Variants in TRPM2 observed in about 807,000 individuals in gnomAD.
The protein encoded by TRPM2 is transient receptor potential cation channel subfamily M member 2, also known as estrogen-responsive element-associated gene 1 protein.
Under a neutral mutation model 174.0 loss-of-function variants are expected in TRPM2, and 161 were observed. The ratio of observed to expected loss-of-function variants is 0.93; its 90% CI spans 0.81 to 1.05. The LOEUF (loss-of-function observed/expected upper bound fraction) is 1.05, where lower values mean the gene tolerates loss of function less well. TRPM2 is among the 50% of genes least tolerant of loss of function. TRPM2 has a pLI of 0.00. For missense variants in TRPM2, 2,057 were observed against 2,038.0 expected, an observed-to-expected ratio of 1.01 and a Z score of -0.18; for synonymous variants, 954 against 861.3, an observed-to-expected ratio of 1.11 and a Z score of -1.88.
chr21:44,417,869 G>A (rs1013517139), intron 20 of TRPM2, 58 bp from the exon 21 acceptor site: 1 of 1,551,252 alleles, frequency 6.4e-7, no homozygotes, highest in South Asian at 1.2e-5. Context: ...GGCGGTGAGA[G>A]GGGTCTGTTC....
chr21:44,379,078 G>A lies in TRPM2; in HGVS notation c.1096G>A (p.Val366Met). 6.2e-7 allele frequency: 1 copy of A among 1,612,974 alleles called. No individual in the cohort carries two copies. Among genetic ancestry groups the A allele is most frequent in the Non-Finnish European group, 8.5e-7 (1 of 1,180,034 alleles). Residue 366 changes from valine (V) to methionine (M), a missense_variant, in exon 8 of 32, where the codon GTG becomes ATG. By Grantham distance (21) the Val-to-Met change is conservative (BLOSUM62 1). Coordinates refer to ENST00000397928, the MANE Select transcript of TRPM2 (RefSeq NM_003307.4). ...CCGCGTGGCCGACGTCATTGCCCAG[G>A]TGGCCAACCTGCCTGTCTCGGACAT... The part of the protein sequence containing the change: ...SGRVADVIAQ[V>M]ANLPVSDITI...
chr21:44,423,732 G>A lies in TRPM2; in HGVS notation c.3549G>A (p.Gln1183=), dbSNP rs1242268139. The change falls in exon 23 of 32, where the codon CAG becomes CAA. Residue 1183 remains glutamine, a splice_region_variant and synonymous_variant. Coordinates refer to ENST00000397928, the MANE Select transcript of TRPM2 (RefSeq NM_003307.4). ...AGAGGTTGGCCTCCCTGGAGGAGCA[G>A]GTGGGTCCGAGGTCGGGGCCTCCGT... is the stretch of plus-strand genomic sequence containing the variant. ...MEQRLASLEE[Q]VAQTAQALHW... is the part of the protein sequence containing the mutation. The A allele has an allele frequency of 6.2e-7, 1 of 1,604,638 alleles. No individual in the cohort carries two copies. Among genetic ancestry groups the A allele is most frequent in the Middle Eastern group, 1.7e-4 (1 of 5,934 alleles).
rs1381741000 is a variant in TRPM2 at position 44,440,873 on chromosome 21, C to G, written c.4354C>G (p.Gln1452Glu). 1.2e-6 allele frequency: 2 copies of G among 1,613,936 alleles called. No individual in the cohort carries two copies. Among genetic ancestry groups the G allele is most frequent in the Admixed American group, 1.7e-5 (1 of 60,024 alleles). ...GGCCGTCAGCGTCCACTTCCAGGACCAGAATGACGTGGAGCTGAACAGGCT... is the reference window on the plus strand; with the variant it reads ...GGCCGTCAGCGTCCACTTCCAGGACGAGAATGACGTGGAGCTGAACAGGCT... ...TVAVSVHFQD[Q>E]NDVELNRLNS... The change falls in exon 31 of 32, where the codon CAG becomes GAG. Residue 1452 changes from glutamine (Q) to glutamate (E), a missense_variant. Physicochemically the swap from Gln to Glu is conservative, Grantham distance 29. Transcript: ENST00000397928.
In TRPM2 at chr21:44,442,060, G is replaced by A. The variant is rs41276638; in HGVS notation, c.*243G>A. The A allele has an allele frequency of 0.018, 8,970 of 487,420 alleles. 109 individuals carry two copies. The highest frequency in any genetic ancestry group is 0.053 in the Middle Eastern group (91 of 1,732). 30.2% of individuals were successfully genotyped at this position (487,420 alleles called of 1,614,324 possible). ...GGCACAGGCTACTCAGAGCTGAGGG[G>A]CCCCTGGGACCCTTGGCCATCAGGC... is the stretch of plus-strand genomic sequence containing the variant. On this transcript the variant is annotated 3_prime_UTR_variant, in exon 32 of 32. Transcript: ENST00000397928.
intron 24 of TRPM2, chr21:44,425,337 A>G: frequency 2.5e-6 from 1 of 406,850 alleles, no homozygotes; most frequent in Non-Finnish European, 4.4e-6. Context: ...GCACATCAGT[A>G]GCCTTCCTCG....
At chr21:44,353,453 G>A (rs966485818), upstream of TRPM2, 36 of 417,616 alleles carry the variant, frequency 8.6e-5, no homozygotes, top group African/African-American at 6.3e-4. Context: ...CAGAGTGTCC[G>A]GGGGCCCCAG....
In TRPM2 at chr21:44,378,314, C is replaced by T. The variant is rs45572831; in HGVS notation, c.1014+541C>T. Among the ~76,000 whole-genome samples, 707 of 152,306 alleles carry T rather than the reference C, an allele frequency of 4.6e-3. 9 individuals carry two copies. The highest frequency in any genetic ancestry group is 0.016 in the African/African-American group (656 of 41,564). On this transcript the variant is annotated intron_variant, in intron 7 of 31. Coordinates refer to ENST00000397928, the MANE Select transcript of TRPM2 (RefSeq NM_003307.4). ...TGACCTCACCTGCTGTAGGAATGTACGAGGACATATAGCCTGAGGATCTGG... is the reference window on the plus strand; with the variant it reads ...TGACCTCACCTGCTGTAGGAATGTATGAGGACATATAGCCTGAGGATCTGG...
In TRPM2 at chr21:44,376,501, C is replaced by T. The variant is rs563555147; in HGVS notation, c.952+488C>T. ...GGGCTCAAGGGATCCTCCCATCACCCTCCCAAAGTGCTGGGATTACAAGCT... is the reference window on the plus strand; with the variant it reads ...GGGCTCAAGGGATCCTCCCATCACCTTCCCAAAGTGCTGGGATTACAAGCT... On this transcript the variant is annotated intron_variant, in intron 6 of 31. Coordinates refer to ENST00000397928, the MANE Select transcript of TRPM2 (RefSeq NM_003307.4). This position sits in a 1 kb window ranked among gnomAD's most constrained non-coding sequence, Gnocchi z 4.2. Among the ~76,000 whole-genome samples, 1 of 152,176 alleles carries T rather than the reference C, an allele frequency of 6.6e-6. No homozygotes were observed. Among genetic ancestry groups the T allele is most frequent in the South Asian group, 2.1e-4 (1 of 4,824 alleles).
At chr21:44,437,217 A>G in intron 29 of TRPM2, 50 bp downstream of exon 29, 1 of 1,489,838 alleles carries the variant, frequency 6.7e-7, no homozygotes, top group South Asian at 1.2e-5. Flanking sequence ...TCTGTGGGTC[A>G]CTCGTCCATT....
chr21:44,441,248 A>AC lies in TRPM2; in HGVS notation c.4386+343_4386+344insC, dbSNP rs1569127318. ...AGCTCACAGGGCTGGCCAGGCGACC[A>AC]TAGGGCCCTGTGTAGTTCTGGGACC... On this transcript the variant is annotated intron_variant, in intron 31 of 31. Coordinates refer to ENST00000397928, the MANE Select transcript of TRPM2 (RefSeq NM_003307.4). 6.9e-3 allele frequency among the ~76,000 whole-genome samples: 388 copies of AC among 56,078 alleles called. 3 individuals carry two copies. The highest frequency in any genetic ancestry group is 0.017 in the African/African-American group (372 of 22,212). The allele number at this position is 56,078 out of a possible 152,430, so 36.8% of individuals were successfully genotyped here.
intron 12 of TRPM2, among the ~76,000 whole-genome samples, chr21:44,396,499 GACTGTGGAA>G (rs2049410403): frequency 2.6e-5 from 1 of 38,564 alleles, no homozygotes; most frequent in African/African-American, 1.4e-4. Context: ...GGGATGTGGA[GACTGTGGAA>G]GGGTGTGGAG....
chr21:44,390,382 C>A (rs984616391), intron 9 of TRPM2, among the ~76,000 whole-genome samples: 1 of 152,120 alleles, frequency 6.6e-6, no homozygotes, highest in Non-Finnish European at 1.5e-5. Flanking sequence ...CCCCAAATAA[C>A]AACCCATGTT....
chr21:44,352,846 G>A (rs140051008), upstream of TRPM2, among the ~76,000 whole-genome samples: 555 of 152,328 alleles, frequency 3.6e-3, 2 homozygotes, highest in African/African-American at 0.013. Flanking sequence ...GTGGAGAGAT[G>A]TGGTACTCCC....
Position 44,364,113 on chromosome 21 carries a change from G to T in TRPM2, c.255-1G>T, listed in dbSNP as rs2048290583. The T allele has an allele frequency of 1.2e-6, 2 of 1,613,086 alleles. No individual in the cohort carries two copies. The highest frequency in any genetic ancestry group is 2.7e-5 in the African/African-American group (2 of 74,926). On this transcript the variant is annotated splice_acceptor_variant, in intron 2 of 31. Coordinates refer to ENST00000397928, the MANE Select transcript of TRPM2 (RefSeq NM_003307.4). LOFTEE classifies it high-confidence loss of function. ...GGGTGACTGGTGCTGTGTCTTTGCA[G>T]GAAGGTGGTGTGTCAGTGTGGCTAC...
rs2050376106 is a variant in TRPM2, at chr21:44,418,060, A to C, written c.3280A>C (p.Ile1094Leu). The change falls in exon 21 of 32, where the codon ATC becomes CTC. Residue 1094 changes from isoleucine to leucine, a missense_variant. Transcript: ENST00000397928. ...FILLSHLQLFIKRVVLKTPAK... is the reference protein window; with the variant it reads ...FILLSHLQLFLKRVVLKTPAK... ...CCTCCTCAGCCACCTGCAGCTCTTC[A>C]TCAAGAGGGTGGTCCTGAAGACTCC... is the stretch of plus-strand genomic sequence containing the variant. 1 of 1,613,172 alleles carries C rather than the reference A, an allele frequency of 6.2e-7. No individual in the cohort carries two copies. Among genetic ancestry groups the C allele is most frequent in the Non-Finnish European group, 8.5e-7 (1 of 1,179,992 alleles).
intron 12 of TRPM2, 105 bp from the exon 13 acceptor site, chr21:44,397,642 C>A: frequency 7.6e-7 from 1 of 1,310,722 alleles, no homozygotes; most frequent in Non-Finnish European, 1.0e-6. Context: ...CAGTGGCCCG[C>A]ACTGTCCCCG....
intron 4 of TRPM2, among the ~76,000 whole-genome samples, chr21:44,368,010 A>AT (rs2048409309): frequency 6.6e-6 from 1 of 152,136 alleles, no homozygotes; most frequent in Admixed American, 6.5e-5. Context: ...TTGATGTTGC[A>AT]TTTTTTTAGC....
chr21:44,356,134 G>A (rs149022029), intron 2 of TRPM2, among the ~76,000 whole-genome samples: 2,537 of 127,146 alleles, frequency 0.02, 70 homozygotes, highest in African/African-American at 0.058. Flanking sequence ...CACCCGCCTC[G>A]GCCTCCCAAA....
At chr21:44,378,713 C>T (rs1047647123) in intron 7 of TRPM2, among the ~76,000 whole-genome samples, 8 of 152,206 alleles carry the variant, frequency 5.3e-5, no homozygotes, top group South Asian at 2.1e-4. Context: ...CCCTTTGCTG[C>T]GAGGCCCTCA....
Sources: allele counts gnomAD v4.1 joint callset (sites outside exome capture counted in the v4.1 genomes callset), GRCh38; gene constraint gnomAD v4.1.1; non-coding constraint Gnocchi (gnomAD v3.1); transcripts MANE v1.5; gene names NCBI Gene and HGNC (gene_info 2026-07-23, HGNC 2026-07-21).